LRCH2: variants seen among roughly 807,000 people sequenced by gnomAD.
LRCH2 encodes leucine rich repeats and calponin homology domain containing 2.
Under a neutral mutation model 68.9 loss-of-function variants are expected in LRCH2, and 38 were observed. That is an observed-to-expected ratio of 0.55 (90% confidence interval 0.43 to 0.72). LRCH2 has a LOEUF of 0.72. Ranked by LOEUF, LRCH2 falls within the 30% of genes least tolerant of loss-of-function variation. The pLI, the probability that LRCH2 is intolerant of heterozygous loss-of-function variation, is 0.00. For missense variants in LRCH2, 528 were observed against 572.9 expected (o/e 0.92, Z 0.80); for synonymous variants, 191 against 208.1 (o/e 0.92, Z 0.71).
chrX:115,191,223 C>T (rs1556558958), intron 1 of LRCH2: 1 of 1,156,825 alleles, frequency 8.6e-7, no homozygotes, highest in Non-Finnish European at 1.2e-6. Context: ...ACGAGGAGTA[C>T]CGAGGCCGCT....
chrX:115,211,192 G>A (rs1266970420), intron 1 of LRCH2, among the ~76,000 whole-genome samples: 1 of 111,624 alleles, frequency 9.0e-6, no homozygotes, highest in Non-Finnish European at 1.9e-5. Flanking sequence ...TGGTTTGGCC[G>A]TGTTCTCACT....
rs2072044493 is a variant in LRCH2, at chrX:115,111,679, C to A, written c.*1537G>T. 1.8e-5 allele frequency: 2 copies of A among 111,274 alleles called. No homozygotes were observed. Among genetic ancestry groups the A allele is most frequent in the Admixed American group, 9.7e-5 (1 of 10,348 alleles). 9.2% of individuals were successfully genotyped at this position (111,274 alleles called of 1,213,427 possible). ...TAATTCTTTAAAAGCTCCAATTTGA[C>A]CCTTGGGGAATGTAATGAACACATC... On this transcript the variant is annotated 3_prime_UTR_variant, in exon 21 of 21. Transcript: ENST00000317135.
At chrX:115,149,129 A>G (rs2072412197) in intron 14 of LRCH2, among the ~76,000 whole-genome samples, 1 of 111,750 alleles carries the variant, frequency 8.9e-6, no homozygotes, top group Admixed American at 9.6e-5. Context: ...CATGGAGCAG[A>G]AGCTTGTTTG....
In LRCH2 at chrX:115,122,620, G is replaced by A; in HGVS notation, c.2101-16C>T. 8.3e-7 allele frequency: 1 copy of A among 1,198,192 alleles called. No individual in the cohort carries two copies. Among genetic ancestry groups the A allele is most frequent in the Non-Finnish European group, 1.1e-6 (1 of 887,690 alleles). On this transcript the variant is annotated splice_polypyrimidine_tract_variant and intron_variant, in intron 19 of 20. Coordinates refer to ENST00000317135, the MANE Select transcript of LRCH2 (RefSeq NM_020871.4). ...TCAGTTTGGGCTGTAAAGTAAGAGGGAAAAAATGTACTTTTAGGCATTTTT... is the reference window on the plus strand; with the variant it reads ...TCAGTTTGGGCTGTAAAGTAAGAGGAAAAAAATGTACTTTTAGGCATTTTT...
chrX:115,163,035 C>T (rs1603050223), intron 11 of LRCH2, among the ~76,000 whole-genome samples: 1 of 111,251 alleles, frequency 9.0e-6, no homozygotes, highest in Non-Finnish European at 1.9e-5. Context: ...CACACAGTAC[C>T]CTTCTCATTG....
At chrX:115,114,782 T>A (rs1031294610) in intron 20 of LRCH2, among the ~76,000 whole-genome samples, 33 of 110,581 alleles carry the variant, frequency 3.0e-4, no homozygotes, top group African/African-American at 1.0e-3. Context: ...AATTAAATGA[T>A]TCTGTAAAGA....
At chrX:115,213,549 T>G (rs1556570547) in intron 1 of LRCH2, among the ~76,000 whole-genome samples, 1 of 111,759 alleles carries the variant, frequency 8.9e-6, no homozygotes, top group African/African-American at 3.3e-5. Flanking sequence ...AGACACCAAC[T>G]CTAGGTAATA....
At chrX:115,202,098 A>G (rs782462736) in intron 1 of LRCH2, among the ~76,000 whole-genome samples, 10 of 112,204 alleles carry the variant, frequency 8.9e-5, no homozygotes, top group Non-Finnish European at 1.3e-4. Context: ...TACAGGTTCA[A>G]TGCAATCCCT....
At chrX:115,190,902 G>C (rs1482508722) in intron 1 of LRCH2, 3 of 1,161,333 alleles carry the variant, frequency 2.6e-6, no homozygotes, top group Non-Finnish European at 3.4e-6. Flanking sequence ...GAGGCTGCTC[G>C]CCCGAGGCCT....
Position 115,233,640 on chromosome X carries a change from A to C in LRCH2, c.349+53T>G, listed in dbSNP as rs1208540786. The C allele has an allele frequency of 1.7e-5, 18 of 1,067,890 alleles. No individual in the cohort carries two copies. The Admixed American group carries it at 2.4e-4, about 14-fold the overall frequency. The allele number at this position is 1,067,890 out of a possible 1,213,427, so 88.0% of individuals were successfully genotyped here. On this transcript the variant is annotated intron_variant, in intron 1 of 20. Transcript: ENST00000317135. Reference sequence around the variant, plus strand: ...CAACAACGCAGCCACGCAGCCACCCACTCCCCGCACCTCCTCCTTCACAGC... The same window carrying C: ...CAACAACGCAGCCACGCAGCCACCCCCTCCCCGCACCTCCTCCTTCACAGC...
rs2147335740 is a variant in LRCH2 at position 115,112,372 on chromosome X, T to G, written c.*844A>C. 1 of 112,040 alleles carries G rather than the reference T, an allele frequency of 8.9e-6. No individual in the cohort carries two copies. Among genetic ancestry groups the G allele is most frequent in the East Asian group, 2.8e-4 (1 of 3,576 alleles). 9.2% of individuals were successfully genotyped at this position (112,040 alleles called of 1,213,427 possible). A position where few individuals can be genotyped will look rare whatever the true frequency, so the allele number is the denominator to read the frequency against. On this transcript the variant is annotated 3_prime_UTR_variant, in exon 21 of 21. Transcript: ENST00000317135. ...CAAATAATACATTTTAAAAGATGAT[T>G]AAGTTTCACAAAATTAAATAGCATA...
In LRCH2 at chrX:115,191,705, G is replaced by A. The variant is rs782216693; in HGVS notation, c.350-3335C>T. 20 of 1,161,412 alleles carry A rather than the reference G, an allele frequency of 1.7e-5. No individual in the cohort carries two copies. In the African/African-American group the frequency reaches 1.8e-4, roughly 11 times the overall value. ...TCACTCGATGCCAACAGCAGTGGCC[G>A]CTTGCCTGACGCCTACAGTGGGGGC... On this transcript the variant is annotated intron_variant, in intron 1 of 20. Transcript: ENST00000317135.
chrX:115,113,366 C>CA (rs1556523272), intron 20 of LRCH2, 31 bp from the exon 21 acceptor site: 2 of 1,102,338 alleles, frequency 1.8e-6, no homozygotes, highest in Non-Finnish European at 2.4e-6. Flanking sequence ...TTTGAACATT[C>CA]ATTTTTTAGA....
At chrX:115,206,205 T>C (rs2072965750) in intron 1 of LRCH2, among the ~76,000 whole-genome samples, 1 of 112,483 alleles carries the variant, frequency 8.9e-6, no homozygotes, top group South Asian at 3.6e-4. Flanking sequence ...ATTTTCTGGA[T>C]GATTTCATGT....
At chrX:115,124,659 G>A (rs1347957821) in intron 16 of LRCH2, among the ~76,000 whole-genome samples, 5 of 111,390 alleles carry the variant, frequency 4.5e-5, no homozygotes, top group African/African-American at 1.6e-4. Context: ...ACTAAATGAT[G>A]ATAAAATAAT....
intron 3 of LRCH2, among the ~76,000 whole-genome samples, chrX:115,183,693 CA>C (rs1278798097): frequency 3.4e-4 from 35 of 103,366 alleles, no homozygotes; most frequent in South Asian, 4.3e-4. Context: ...GACTCTATCA[CA>C]AAAAAAAAAC....
intron 1 of LRCH2, chrX:115,198,721 C>T (rs781954456): frequency 5.8e-4 from 77 of 132,063 alleles, no homozygotes; most frequent in African/African-American, 2.0e-3. Context: ...CTGGCCATCA[C>T]GAGGAAAGTT....
In LRCH2 at chrX:115,162,675, C is replaced by A. The variant is rs189305103; in HGVS notation, c.1463+1001G>T. 8.5e-3 allele frequency among the ~76,000 whole-genome samples: 947 copies of A among 111,240 alleles called. 13 individuals carry two copies. Among genetic ancestry groups the A allele is most frequent in the African/African-American group, 0.03 (914 of 30,603 alleles). The stretch of plus-strand genomic sequence containing the variant: ...TATATAGATTGCCCCTAAAAAGTGG[C>A]CCCTAGAAACCATATATTTGTCATT... On this transcript the variant is annotated intron_variant, in intron 11 of 20. Transcript: ENST00000317135.
chrX:115,122,767 G>A lies in LRCH2; in HGVS notation c.2093C>T (p.Pro698Leu). ...ATTGTAAACAAAACTTACCACTGCT[G>A]GTGATGGTACATGAATACTAGCAAC... is the stretch of plus-strand genomic sequence containing the variant. ...RSVASIHVPS[P>L]AVPKLSMAKC... Residue 698 changes from proline (P) to leucine (L), a missense_variant, in exon 19 of 21, where the codon CCA becomes CTA. Physicochemically the swap from Pro to Leu is moderately conservative, Grantham distance 98 (BLOSUM62 -3). Transcript: ENST00000317135. 1 of 1,210,164 alleles carries A rather than the reference G, an allele frequency of 8.3e-7. No individual in the cohort carries two copies.
Sources: gnomAD v4.1 joint callset for allele counts (sites outside exome capture counted in the v4.1 genomes callset) on GRCh38, gnomAD v4.1.1 for gene constraint, MANE v1.5 for transcripts, NCBI Gene and HGNC (gene_info 2026-07-23, HGNC 2026-07-21) for gene names.